ABCC4: variants seen among roughly 807,000 people sequenced by gnomAD.
ABCC4 encodes ATP-binding cassette sub-family C member 4.
Under a neutral mutation model 168.5 loss-of-function variants are expected in ABCC4, and 102 were observed. The ratio of observed to expected loss-of-function variants is 0.61; its 90% CI spans 0.52 to 0.71. The LOEUF (loss-of-function observed/expected upper bound fraction) is 0.71. Among genes scored for constraint, ABCC4 ranks in the 30% least tolerant of loss-of-function variants. ABCC4 has a pLI of 0.00. For missense variants in ABCC4, 1,402 were observed against 1,605.8 expected (o/e 0.87, Z 2.17); for synonymous variants, 617 against 590.7 (o/e 1.04, Z -0.65).
intron 18 of ABCC4, 69 bp from the exon 19 acceptor site, chr13:95,161,404 A>T: frequency 7.8e-7 from 1 of 1,284,648 alleles, no homozygotes; most frequent in Non-Finnish European, 1.0e-6. Flanking sequence ...TTGCTAAAGC[A>T]AGCCAGGTAG....
At chr13:95,262,634 T>A (rs2040561131) in intron 1 of ABCC4, among the ~76,000 whole-genome samples, 1 of 150,656 alleles carries the variant, frequency 6.6e-6, no homozygotes, top group South Asian at 2.1e-4. Flanking sequence ...ACTTAGACTT[T>A]TTTTTTTTTT....
intron 20 of ABCC4, among the ~76,000 whole-genome samples, chr13:95,089,438 T>G (rs2034359365): frequency 6.6e-6 from 1 of 152,006 alleles, no homozygotes; most frequent in Non-Finnish European, 1.5e-5. Context: ...GCCAACATGG[T>G]GAAACCCCGT....
chr13:95,151,638 AAGG>A (rs1475126561), intron 19 of ABCC4, among the ~76,000 whole-genome samples: 1 of 151,440 alleles, frequency 6.6e-6, no homozygotes, highest in African/African-American at 2.4e-5. Flanking sequence ...GAAGGAGGAG[AAGG>A]AGAAGAAGGA....
intron 13 of ABCC4, among the ~76,000 whole-genome samples, chr13:95,175,261 C>T (rs540421691): frequency 6.6e-6 from 1 of 152,228 alleles, no homozygotes; most frequent in East Asian, 1.9e-4. Flanking sequence ...ATGTTCCAGC[C>T]CTCACCCTAG....
At chr13:95,071,929 A>ATT (rs1649692835) in intron 24 of ABCC4, 76 bp from the exon 25 acceptor site, 12 of 1,133,766 alleles carry the variant, frequency 1.1e-5, no homozygotes, top group Non-Finnish European at 1.4e-5. Flanking sequence ...TGTCAATGAA[A>ATT]TGTTCTTCTT....
In ABCC4 at chr13:95,049,660, T is replaced by A. The variant is rs529845286; in HGVS notation, c.3456+3435A>T. Among the ~76,000 whole-genome samples the A allele has an allele frequency of 2.5e-3, 381 of 150,656 alleles. 1 individual carries two copies. Among genetic ancestry groups the A allele is most frequent in the African/African-American group, 7.9e-3 (325 of 41,098 alleles). On this transcript the variant is annotated intron_variant, in intron 27 of 30. Transcript: ENST00000645237. The stretch of plus-strand genomic sequence containing the variant: ...TGTCTCAAATAAATAAATAAATAAA[T>A]AAAAATAAATAAATAAAAAAATAAC...
intron 30 of ABCC4, among the ~76,000 whole-genome samples, chr13:95,031,017 T>C (rs956923795): frequency 9.9e-5 from 15 of 152,234 alleles, no homozygotes; most frequent in African/African-American, 3.6e-4. Flanking sequence ...TTCCCAGATG[T>C]TGAGTTTTCC....
chr13:95,161,176 G>C lies in ABCC4; in HGVS notation c.2455+13C>G, dbSNP rs747432280. On this transcript the variant is annotated intron_variant, in intron 19 of 30. Coordinates refer to ENST00000645237, the MANE Select transcript of ABCC4 (RefSeq NM_005845.5). Reference sequence around the variant, plus strand: ...CAAGACATACTTACTGAGAAACTTGGTGTCAGACTTACCTATTGGATTTCT... The same window carrying C: ...CAAGACATACTTACTGAGAAACTTGCTGTCAGACTTACCTATTGGATTTCT... 15 of 1,580,912 alleles carry C rather than the reference G, an allele frequency of 9.5e-6. No individual in the cohort carries two copies. In the East Asian group the frequency reaches 3.2e-4, roughly 34 times the overall value.
At chr13:95,065,457 G>A in intron 25 of ABCC4, among the ~76,000 whole-genome samples, 1 of 152,094 alleles carries the variant, frequency 6.6e-6, no homozygotes. Flanking sequence ...ATATATTTAG[G>A]CAAAATGAGA....
At chr13:95,072,270 G>A (rs2033755576) in intron 24 of ABCC4, among the ~76,000 whole-genome samples, 1 of 152,170 alleles carries the variant, frequency 6.6e-6, no homozygotes, top group South Asian at 2.1e-4. Context: ...ACACCAGCCT[G>A]GTCAACATGG....
chr13:95,243,696 G>A (rs8003006), intron 3 of ABCC4, among the ~76,000 whole-genome samples: 80,927 of 151,752 alleles, frequency 0.53, 22,203 homozygotes, highest in African/African-American at 0.66. Context: ...AGACCGGCCC[G>A]GACAACATGG....
chr13:95,265,243 A>G (rs2040638555), intron 1 of ABCC4, among the ~76,000 whole-genome samples: 1 of 152,208 alleles, frequency 6.6e-6, no homozygotes, highest in Non-Finnish European at 1.5e-5. Context: ...CAACTATGGT[A>G]GAAGCTAACA....
At chr13:95,035,990 T>C (rs2032103820) in intron 29 of ABCC4, among the ~76,000 whole-genome samples, 1 of 152,226 alleles carries the variant, frequency 6.6e-6, no homozygotes, top group Admixed American at 6.5e-5. Flanking sequence ...CTACTGTGAA[T>C]CACTGCTAAG....
At chr13:95,291,710 T>C (rs1299139612) in intron 1 of ABCC4, among the ~76,000 whole-genome samples, 1 of 152,220 alleles carries the variant, frequency 6.6e-6, no homozygotes, top group Non-Finnish European at 1.5e-5. Flanking sequence ...CTCAACTGCA[T>C]GTATCACTGA....
chr13:95,215,351 A>T (rs1162645779), intron 4 of ABCC4, among the ~76,000 whole-genome samples: 2 of 152,176 alleles, frequency 1.3e-5, no homozygotes, highest in Non-Finnish European at 2.9e-5. Context: ...CAGTGAGCCA[A>T]GATCACACCA....
In ABCC4 at chr13:95,206,683, G is replaced by A; in HGVS notation, c.1010C>T (p.Thr337Ile). The change falls in exon 8 of 31, where the codon ACC becomes ATC. Residue 337 changes from threonine to isoleucine, a missense_variant. Physicochemically the swap from Thr to Ile is moderately conservative, Grantham distance 89. Around this residue, in one of 3 missense-constraint regions of ABCC4, gnomAD observed 78 missense variants for 133.0 expected, o/e 0.59. Coordinates refer to ENST00000645237, the MANE Select transcript of ABCC4 (RefSeq NM_005845.5). ...CACACTGCCGAGGAGCACGTAGGTG[G>A]TGAAGGTCACAAACACGATGATTTT... ...ASKIIVFVTF[T>I]TYVLLGSVIT... The A allele has an allele frequency of 6.2e-7, 1 of 1,614,190 alleles. No homozygotes were observed. Among genetic ancestry groups the A allele is most frequent in the Non-Finnish European group, 8.5e-7 (1 of 1,180,038 alleles).
At chr13:95,290,121 T>C (rs978287602) in intron 1 of ABCC4, among the ~76,000 whole-genome samples, 9 of 150,874 alleles carry the variant, frequency 6.0e-5, no homozygotes, top group South Asian at 2.1e-4. Context: ...GATAGATAGA[T>C]AGATAGATAG....
chr13:95,290,503 G>A (rs1462689602), intron 1 of ABCC4, among the ~76,000 whole-genome samples: 6 of 151,890 alleles, frequency 4.0e-5, no homozygotes, highest in Admixed American at 2.6e-4. Flanking sequence ...TCAGGCGTTC[G>A]AGACTAGCAT....
intron 19 of ABCC4, among the ~76,000 whole-genome samples, chr13:95,138,519 T>C (rs2036210075): frequency 6.6e-6 from 1 of 152,124 alleles, no homozygotes; most frequent in African/African-American, 2.4e-5. Context: ...TTAAAATAAG[T>C]TCATGTTTAA....
Sources: gnomAD v4.1 joint callset for allele counts (sites outside exome capture counted in the v4.1 genomes callset) on GRCh38, gnomAD v4.1.1 for gene constraint, gnomAD v4.1.1 regional missense constraint, MANE v1.5 for transcripts, NCBI Gene and HGNC (gene_info 2026-07-23, HGNC 2026-07-21) for gene names.